ADAMTS9: variants seen among roughly 807,000 people sequenced by gnomAD.
ADAMTS9 encodes the protein ADAM metallopeptidase with thrombospondin type 1 motif 9.
Under a neutral mutation model 257.1 loss-of-function variants are expected in ADAMTS9, and 107 were observed. The ratio of observed to expected loss-of-function variants is 0.42; its 90% confidence interval spans 0.36 to 0.49. The LOEUF (loss-of-function observed/expected upper bound fraction) is 0.49. Ranked by LOEUF, ADAMTS9 falls within the 20% of genes least tolerant of loss-of-function variation. The pLI is 0.03. For synonymous variants in ADAMTS9, 982 were observed against 880.9 expected, an observed-to-expected ratio of 1.11 and a Z score of -2.03; for missense variants, 2,353 against 2,469.1, an observed-to-expected ratio of 0.95 and a Z score of 1.00.
At chr3:64,539,173 C>G in intron 37 of ADAMTS9, 30 bp downstream of exon 37, 1 of 1,582,182 alleles carries the variant, frequency 6.3e-7, no homozygotes, top group Non-Finnish European at 8.7e-7. Context: ...AGGTGAATCC[C>G]TGGCAAGGGG....
intron 30 of ADAMTS9, among the ~76,000 whole-genome samples, chr3:64,554,382 A>C (rs946703979): frequency 9.2e-5 from 14 of 152,234 alleles, no homozygotes; most frequent in African/African-American, 3.4e-4. Flanking sequence ...CAGCTCTGAA[A>C]ATCACATGGC....
At chr3:64,570,783 A>G (rs1395360684) in intron 28 of ADAMTS9, among the ~76,000 whole-genome samples, 1 of 151,018 alleles carries the variant, frequency 6.6e-6, no homozygotes, top group Non-Finnish European at 1.5e-5. Flanking sequence ...AAAGGGCAGT[A>G]TCAGGGATAA....
At chr3:64,636,914 T>C (rs1559803902) in intron 12 of ADAMTS9, among the ~76,000 whole-genome samples, 2 of 152,170 alleles carry the variant, frequency 1.3e-5, no homozygotes, top group Non-Finnish European at 2.9e-5. Context: ...TGTGTCACTG[T>C]CCTACGTTCC....
At chr3:64,613,099 CTAAAGG>C (rs1187495550) in intron 22 of ADAMTS9, among the ~76,000 whole-genome samples, 2 of 152,138 alleles carry the variant, frequency 1.3e-5, no homozygotes, top group African/African-American at 4.8e-5. Context: ...TCTGCTCAAG[CTAAAGG>C]GCAAAGATAG....
intron 39 of ADAMTS9, among the ~76,000 whole-genome samples, chr3:64,519,031 G>A (rs1004912373): frequency 6.6e-6 from 1 of 152,014 alleles, no homozygotes; most frequent in African/African-American, 2.4e-5. Context: ...GCCTGCCACA[G>A]CTTCCCAAAA....
In ADAMTS9 at chr3:64,647,979, G is replaced by A; in HGVS notation, c.1671C>T (p.His557=). Residue 557 remains histidine, a synonymous_variant, in exon 11 of 40, where the codon CAC becomes CAT. Transcript: ENST00000498707. ...NGVHKGCRTQ[H]TPWADGTECE... Reference sequence around the variant, plus strand: ...ACTCCGTCCCATCGGCCCAGGGTGTGTGCTGAGTCCGGCAGCCTTTGTGTA... The same window carrying A: ...ACTCCGTCCCATCGGCCCAGGGTGTATGCTGAGTCCGGCAGCCTTTGTGTA... 6.2e-7 allele frequency: 1 copy of A among 1,613,946 alleles called. No homozygotes were observed.
intron 30 of ADAMTS9, among the ~76,000 whole-genome samples, chr3:64,553,657 G>C (rs769831349): frequency 4.6e-5 from 7 of 152,070 alleles, no homozygotes; most frequent in Non-Finnish European, 1.0e-4. Context: ...GCATTTCCTG[G>C]TAGCCCCTTG....
intron 22 of ADAMTS9, among the ~76,000 whole-genome samples, chr3:64,611,785 G>A (rs1366484684): frequency 6.6e-6 from 1 of 152,136 alleles, no homozygotes; most frequent in African/African-American, 2.4e-5. Flanking sequence ...TTCTTTACAG[G>A]CCATGGCCCA....
intron 28 of ADAMTS9, among the ~76,000 whole-genome samples, chr3:64,581,874 C>G (rs2084011784): frequency 1.3e-5 from 2 of 152,092 alleles, no homozygotes; most frequent in African/African-American, 4.8e-5. Context: ...GAGTGTAGGT[C>G]CCACCATAAA....
At chr3:64,522,480 G>T in intron 38 of ADAMTS9, 1 of 387,412 alleles carries the variant, frequency 2.6e-6, no homozygotes, top group Non-Finnish European at 4.6e-6. Flanking sequence ...GCAAGCTAAG[G>T]ATGATTTTTA....
At position 64,651,386 on chromosome 3, in the gene ADAMTS9, T is replaced by C. The variant is rs1283908839; in HGVS notation, c.1317-223A>G. On this transcript the variant is annotated intron_variant, in intron 8 of 39. Transcript: ENST00000498707. ...TAATACGAAGTGTAAAGGCATAAAA[T>C]GTATTTTAAAAGATGCAGGCTGGCC... 3.9e-5 allele frequency among the ~76,000 whole-genome samples: 6 copies of C among 152,152 alleles called. 1 individual carries two copies. The highest frequency in any genetic ancestry group is 5.9e-5 in the Non-Finnish European group (4 of 68,020).
intron 25 of ADAMTS9, among the ~76,000 whole-genome samples, 167 bp from the exon 26 acceptor site, chr3:64,602,380 AG>A (rs1326337729): frequency 6.6e-6 from 1 of 152,172 alleles, no homozygotes; most frequent in Non-Finnish European, 1.5e-5. Context: ...TATCCATTTC[AG>A]TGAGAAATCT....
intron 11 of ADAMTS9, among the ~76,000 whole-genome samples, chr3:64,647,630 C>T (rs776977846): frequency 6.6e-6 from 1 of 152,158 alleles, no homozygotes; most frequent in Non-Finnish European, 1.5e-5. Flanking sequence ...AACACAATCT[C>T]GCATTAAATG....
At chr3:64,583,680 T>C (rs548794781) in intron 28 of ADAMTS9, 52 of 152,266 alleles carry the variant, frequency 3.4e-4, no homozygotes, top group African/African-American at 1.1e-3. Context: ...CACCTCCCAA[T>C]TGAGAACTAT....
chr3:64,529,588 T>C (rs899970566), intron 38 of ADAMTS9, among the ~76,000 whole-genome samples: 3 of 152,148 alleles, frequency 2.0e-5, no homozygotes, highest in Non-Finnish European at 2.9e-5. Context: ...CAGATCGTAG[T>C]AGGTATCGAG....
chr3:64,639,315 A>T lies in ADAMTS9; in HGVS notation c.1856+2533T>A, dbSNP rs149419027. On this transcript the variant is annotated intron_variant, in intron 12 of 39. Coordinates refer to ENST00000498707, the MANE Select transcript of ADAMTS9 (RefSeq NM_182920.2). ...ATTGTTTTTTTTTTTTTTTTTTTAA[A>T]AAAAAAAAAAAAAAAACCTCCCATA... 4.7e-3 allele frequency among the ~76,000 whole-genome samples: 301 copies of T among 63,734 alleles called. 2 individuals are homozygous for T. The highest frequency in any genetic ancestry group is 0.011 in the African/African-American group (156 of 14,614). 41.8% of individuals were successfully genotyped at this position (63,734 alleles called of 152,430 possible).
chr3:64,629,296 C>T (rs928832274), intron 16 of ADAMTS9, among the ~76,000 whole-genome samples: 3 of 152,168 alleles, frequency 2.0e-5, no homozygotes, highest in African/African-American at 7.2e-5. Flanking sequence ...AACATAAATG[C>T]AGTAAGACGT....
At chr3:64,623,627 T>C (rs567092900) in intron 16 of ADAMTS9, among the ~76,000 whole-genome samples, 1 of 152,332 alleles carries the variant, frequency 6.6e-6, no homozygotes, top group Admixed American at 6.5e-5. Flanking sequence ...AGTAAAAGAT[T>C]AATACACCAA....
chr3:64,616,296 A>G (rs937719152), intron 19 of ADAMTS9, 126 bp from the exon 20 acceptor site: 1 of 981,850 alleles, frequency 1.0e-6, no homozygotes, highest in African/African-American at 1.6e-5. Flanking sequence ...CATGAAGCCC[A>G]AAGCCACAGT....
Sources: allele counts gnomAD v4.1 joint callset (sites outside exome capture counted in the v4.1 genomes callset), GRCh38; gene constraint gnomAD v4.1.1; transcripts MANE v1.5; gene names NCBI Gene and HGNC (gene_info 2026-07-23, HGNC 2026-07-21).